Variants in GULP1 observed in about 807,000 individuals in gnomAD.
The protein encoded by GULP1 is PTB domain-containing engulfment adapter protein 1.
GULP1 carries 19 observed loss-of-function variants against 40.9 expected under a neutral mutation model. The observed-to-expected ratio is 0.46, with a 90% CI of 0.32 to 0.68. The LOEUF is 0.68. Ranked by LOEUF, GULP1 falls within the 30% of genes least tolerant of loss-of-function variation. The pLI is 0.03. For synonymous variants in GULP1, 119 were observed against 117.6 expected, an observed-to-expected ratio of 1.01 and a Z score of -0.08; for missense variants, 312 against 362.2, an observed-to-expected ratio of 0.86 and a Z score of 1.12.
At chr2:188,499,133 GTGTA>G (rs869174111) in intron 4 of GULP1, among the ~76,000 whole-genome samples, 24,009 of 120,002 alleles carry the variant, frequency 0.2, 2,218 homozygotes, top group East Asian at 0.35. Context: ...ATATATGTGT[GTGTA>G]TATATATATA....
At chr2:188,361,437 G>GAA (rs2046071904) in intron 1 of GULP1, among the ~76,000 whole-genome samples, 1 of 151,836 alleles carries the variant, frequency 6.6e-6, no homozygotes, top group South Asian at 2.1e-4. Context: ...GAGAGAGAGA[G>GAA]AAACAAGGGC....
chr2:188,297,421 A>G (rs1574191566), intron 1 of GULP1: 1 of 448,864 alleles, frequency 2.2e-6, no homozygotes, highest in African/African-American at 2.1e-5. Flanking sequence ...TTTTATACAA[A>G]TGTAGTGTTT....
At chr2:188,505,150 C>G (rs553266349) in intron 4 of GULP1, among the ~76,000 whole-genome samples, 2 of 151,614 alleles carry the variant, frequency 1.3e-5, no homozygotes, top group African/African-American at 4.8e-5. Context: ...TGTCTTAAAC[C>G]TCTCTTCTGA....
chr2:188,478,565 A>G (rs1481747287), intron 3 of GULP1, among the ~76,000 whole-genome samples: 1 of 152,150 alleles, frequency 6.6e-6, no homozygotes, highest in Non-Finnish European at 1.5e-5. Context: ...ATGCTGTAGT[A>G]GGATTACAGA....
At chr2:188,580,824 G>T (rs1291843582) in intron 9 of GULP1, among the ~76,000 whole-genome samples, 2 of 152,096 alleles carry the variant, frequency 1.3e-5, no homozygotes, top group Non-Finnish European at 2.9e-5. Context: ...TTACAATAAA[G>T]TTTATCAAAA....
intron 1 of GULP1, among the ~76,000 whole-genome samples, chr2:188,371,169 A>G (rs560278321): frequency 1.4e-3 from 214 of 152,276 alleles, no homozygotes; most frequent in African/African-American, 4.8e-3. Flanking sequence ...AAATGGTTAT[A>G]TTCTTTCAAA....
chr2:188,424,524 T>TA, intron 2 of GULP1, among the ~76,000 whole-genome samples: 1 of 152,032 alleles, frequency 6.6e-6, no homozygotes, highest in South Asian at 2.1e-4. Flanking sequence ...TGTGAATTTC[T>TA]AAAAAAGAAA....
At position 188,291,900 on chromosome 2, in the gene GULP1, C is replaced by G. The variant is rs1449573030; in HGVS notation, c.-438C>G. On this transcript the variant is annotated 5_prime_UTR_variant, in exon 1 of 12. Coordinates refer to ENST00000409830, the MANE Select transcript of GULP1 (RefSeq NM_016315.4). Reference sequence around the variant, plus strand: ...TTCCCGGCCGGGAGCGACCCGGAGTCCCCAGCCCCGCGTCCCAGCTGCCGC... The same window carrying G: ...TTCCCGGCCGGGAGCGACCCGGAGTGCCCAGCCCCGCGTCCCAGCTGCCGC... The G allele has an allele frequency of 6.6e-6, 1 of 152,258 alleles. No homozygotes were observed. The highest frequency in any genetic ancestry group is 6.5e-5 in the Admixed American group (1 of 15,272). The allele number at this position is 152,258 out of a possible 1,614,324, so 9.4% of individuals were successfully genotyped here.
At chr2:188,534,730 A>G (rs970870848) in intron 6 of GULP1, among the ~76,000 whole-genome samples, 5 of 152,076 alleles carry the variant, frequency 3.3e-5, no homozygotes, top group Non-Finnish European at 5.9e-5. Flanking sequence ...CCCACCTACT[A>G]TTTTTATTGC....
At chr2:188,544,294 G>A (rs552068518) in intron 7 of GULP1, among the ~76,000 whole-genome samples, 1 of 152,068 alleles carries the variant, frequency 6.6e-6, no homozygotes, top group East Asian at 1.9e-4. Context: ...TAGGACAAAG[G>A]TTTTAGAACA....
chr2:188,465,899 T>C (rs1163441433), intron 2 of GULP1, among the ~76,000 whole-genome samples: 1 of 152,040 alleles, frequency 6.6e-6, no homozygotes, highest in East Asian at 1.9e-4. Flanking sequence ...CTTTCCGTGG[T>C]ATGAAGGTAA....
intron 2 of GULP1, among the ~76,000 whole-genome samples, chr2:188,397,751 C>T (rs1301503968): frequency 6.6e-6 from 1 of 152,172 alleles, no homozygotes; most frequent in Non-Finnish European, 1.5e-5. Context: ...ATTCACAGCC[C>T]AACTGGGGCT....
chr2:188,364,397 G>C (rs183451030), intron 1 of GULP1, among the ~76,000 whole-genome samples: 3 of 152,090 alleles, frequency 2.0e-5, no homozygotes, highest in Non-Finnish European at 2.9e-5. Flanking sequence ...ATACTACCAC[G>C]CTCATGGTAG....
intron 1 of GULP1, among the ~76,000 whole-genome samples, chr2:188,324,084 A>G (rs1044741931): frequency 1.3e-5 from 2 of 152,086 alleles, no homozygotes; most frequent in Non-Finnish European, 2.9e-5. Flanking sequence ...AGTGCTAGAT[A>G]TATTTGTCTT....
chr2:188,571,785 C>T (rs1306747167), intron 9 of GULP1, among the ~76,000 whole-genome samples: 1 of 152,138 alleles, frequency 6.6e-6, no homozygotes, highest in African/African-American at 2.4e-5. Flanking sequence ...AAATGTACTT[C>T]ATTTATGTGA....
intron 1 of GULP1, among the ~76,000 whole-genome samples, chr2:188,311,981 C>T (rs4402720): frequency 0.6 from 90,085 of 150,308 alleles, 27,556 homozygotes; most frequent in East Asian, 0.9. Flanking sequence ...ATAATTCTGA[C>T]GGAAAAATAA....
chr2:188,368,487 A>G (rs951538554), intron 1 of GULP1, among the ~76,000 whole-genome samples: 6 of 152,174 alleles, frequency 3.9e-5, no homozygotes, highest in African/African-American at 1.4e-4. Context: ...AGGCTGAGAC[A>G]GGAGAATTGT....
intron 2 of GULP1, among the ~76,000 whole-genome samples, chr2:188,386,584 T>C (rs1574919536): frequency 6.6e-6 from 1 of 152,168 alleles, no homozygotes; most frequent in African/African-American, 2.4e-5. Context: ...GTATTTATTA[T>C]TCAGTCAATA....
rs372614661 is a variant in GULP1, at chr2:188,354,794, T to C, written c.-171-28969T>C. Among the ~76,000 whole-genome samples, 33 of 152,356 alleles carry C rather than the reference T, an allele frequency of 2.2e-4. 1 individual carries two copies. Among genetic ancestry groups the C allele is most frequent in the African/African-American group, 7.9e-4 (33 of 41,594 alleles). On this transcript the variant is annotated intron_variant, in intron 1 of 11. Coordinates refer to ENST00000409830, the MANE Select transcript of GULP1 (RefSeq NM_016315.4). ...AACATTCTCCTGGATAGATCATATG[T>C]TAGATGAAAAAATAAGTTCCACTAA...
Sources: allele counts gnomAD v4.1 joint callset (sites outside exome capture counted in the v4.1 genomes callset), GRCh38; gene constraint gnomAD v4.1.1; transcripts MANE v1.5; gene names NCBI Gene and HGNC (gene_info 2026-07-23, HGNC 2026-07-21).